SIPA1L3: variants seen among roughly 807,000 people sequenced by gnomAD.
The protein encoded by SIPA1L3 is signal-induced proliferation-associated 1-like protein 3.
A neutral mutation model predicts 150.1 loss-of-function variants in SIPA1L3; 59 were observed. The ratio of observed to expected loss-of-function variants is 0.39; its 90% CI spans 0.32 to 0.49. The LOEUF is 0.49. Among genes scored for constraint, SIPA1L3 ranks in the 20% least tolerant of loss-of-function variants. The pLI is 0.86. For missense variants in SIPA1L3, 2,211 were observed against 2,489.5 expected, an observed-to-expected ratio of 0.89 and a Z score of 2.38; for synonymous variants, 1,070 against 1,077.6, an observed-to-expected ratio of 0.99 and a Z score of 0.14.
At chr19:37,933,377 T>G (rs563940629) in intron 1 of SIPA1L3, among the ~76,000 whole-genome samples, 1 of 152,226 alleles carries the variant, frequency 6.6e-6, no homozygotes, top group South Asian at 2.1e-4. Flanking sequence ...CTTATTAAAT[T>G]GCACCTTCTC....
chr19:37,909,361 CCA>C (rs2046360287), intron 1 of SIPA1L3, among the ~76,000 whole-genome samples: 1 of 152,020 alleles, frequency 6.6e-6, no homozygotes, highest in Non-Finnish European at 1.5e-5. Flanking sequence ...GTGCCCGCCA[CCA>C]CACGTGGTTA....
At chr19:37,977,673 C>T (rs140958015) in intron 1 of SIPA1L3, among the ~76,000 whole-genome samples, 254 of 152,216 alleles carry the variant, frequency 1.7e-3, no homozygotes, top group African/African-American at 4.8e-3. Context: ...GGCAGAGACT[C>T]CAGGCTCCAG....
intron 16 of SIPA1L3, among the ~76,000 whole-genome samples, chr19:38,186,566 C>T (rs1029362981): frequency 5.3e-5 from 8 of 150,458 alleles, no homozygotes; most frequent in African/African-American, 1.9e-4. Context: ...GTTGGTCAGG[C>T]TGGTCTCGAA....
rs771161097 is a variant in SIPA1L3 at position 38,119,364 on chromosome 19, A to T, written c.2350A>T (p.Thr784Ser). 2.2e-5 allele frequency: 35 copies of T among 1,614,180 alleles called. No individual in the cohort carries two copies. The highest frequency in any genetic ancestry group is 2.8e-5 in the Non-Finnish European group (33 of 1,180,032). The change falls in exon 9 of 22, where the codon ACC becomes TCC. Residue 784 changes from threonine to serine, a missense_variant. Around this residue, in one of 5 missense-constraint regions of SIPA1L3, gnomAD observed 625 missense variants for 804.2 expected, o/e 0.78. Transcript: ENST00000222345. ...PPFGPPIPSGTTFRKSDVFRD... is the reference protein window; with the variant it reads ...PPFGPPIPSGSTFRKSDVFRD... ...TTTCGGCCCCCCCATCCCCAGTGGA[A>T]CCACATTCCGCAAATCCGACGTCTT... is the stretch of plus-strand genomic sequence containing the variant.
intron 9 of SIPA1L3, among the ~76,000 whole-genome samples, chr19:38,128,261 G>A (rs556167960): frequency 1.3e-5 from 2 of 152,032 alleles, no homozygotes; most frequent in Admixed American, 6.6e-5. Context: ...GGGTTCTGCC[G>A]TAGTAATAGG....
intron 1 of SIPA1L3, among the ~76,000 whole-genome samples, chr19:37,946,130 G>A (rs2046708901): frequency 6.6e-6 from 1 of 151,832 alleles, no homozygotes; most frequent in Non-Finnish European, 1.5e-5. Context: ...ACTCCAACCT[G>A]GGGGACAACA....
intron 9 of SIPA1L3, among the ~76,000 whole-genome samples, chr19:38,126,019 A>G (rs1971163344): frequency 6.6e-6 from 1 of 152,020 alleles, no homozygotes; most frequent in Non-Finnish European, 1.5e-5. Context: ...TAAACATACG[A>G]AAAAATTAGC....
At chr19:37,940,591 T>C (rs1038331180) in intron 1 of SIPA1L3, among the ~76,000 whole-genome samples, 2 of 152,180 alleles carry the variant, frequency 1.3e-5, no homozygotes, top group Non-Finnish European at 2.9e-5. Context: ...GGGCTCACCA[T>C]TGGAGTTGGT....
At chr19:38,075,151 A>G (rs1357067696) in intron 2 of SIPA1L3, among the ~76,000 whole-genome samples, 1 of 152,184 alleles carries the variant, frequency 6.6e-6, no homozygotes, top group East Asian at 1.9e-4. Context: ...ATATTGGAAA[A>G]TTTTTTAGAA....
At chr19:38,075,223 G>A (rs1352333655) in intron 2 of SIPA1L3, among the ~76,000 whole-genome samples, 9 of 152,140 alleles carry the variant, frequency 5.9e-5, no homozygotes, top group African/African-American at 2.2e-4. Flanking sequence ...TTGGGAGGCC[G>A]AGGTAGGCAG....
At chr19:38,121,163 G>C (rs540087206) in intron 9 of SIPA1L3, among the ~76,000 whole-genome samples, 1 of 152,002 alleles carries the variant, frequency 6.6e-6, no homozygotes, top group East Asian at 1.9e-4. Flanking sequence ...GCAATACAGT[G>C]AGATGCCGTT....
intron 15 of SIPA1L3, among the ~76,000 whole-genome samples, chr19:38,170,090 G>A (rs896011296): frequency 6.6e-6 from 1 of 152,056 alleles, no homozygotes; most frequent in South Asian, 2.1e-4. Context: ...CCCAAAGGGG[G>A]CCCCCCTAAC....
chr19:37,944,094 T>C (rs886510498), intron 1 of SIPA1L3, among the ~76,000 whole-genome samples: 7 of 151,954 alleles, frequency 4.6e-5, no homozygotes, highest in Middle Eastern at 3.4e-3. Flanking sequence ...CTGGCCAACA[T>C]GGCGAAACCG....
intron 1 of SIPA1L3, among the ~76,000 whole-genome samples, chr19:37,992,818 G>A (rs1433293967): frequency 1.3e-5 from 2 of 152,130 alleles, no homozygotes; most frequent in Non-Finnish European, 2.9e-5. Flanking sequence ...AAGAACATGA[G>A]CTAAATGGGG....
intron 2 of SIPA1L3, among the ~76,000 whole-genome samples, chr19:38,067,031 G>T (rs895773971): frequency 6.6e-6 from 1 of 151,280 alleles, no homozygotes; most frequent in African/African-American, 2.4e-5. Flanking sequence ...AAGCCCGGGA[G>T]TTCAAGACCA....
Position 37,967,532 on chromosome 19 carries a change from G to A in SIPA1L3, c.-379+60174G>A, listed in dbSNP as rs779966515. 4.5e-4 allele frequency among the ~76,000 whole-genome samples: 68 copies of A among 152,114 alleles called. No homozygotes were observed. In the Middle Eastern group the frequency reaches 0.024, roughly 53 times the overall value. On this transcript the variant is annotated intron_variant, in intron 1 of 21. Transcript: ENST00000222345. ...CTCCCAAAGTGCTGGGATTACAGGC[G>A]TGAGCCACCGCACCCGGCTGGAAAT... is the stretch of plus-strand genomic sequence containing the variant.
chr19:38,170,906 G>A (rs1161638843), intron 15 of SIPA1L3, among the ~76,000 whole-genome samples: 1 of 152,028 alleles, frequency 6.6e-6, no homozygotes, highest in Non-Finnish European at 1.5e-5. Context: ...ATTCATCTGG[G>A]ATGCAGTTAT....
chr19:38,194,778 C>T (rs1008590782), intron 18 of SIPA1L3, among the ~76,000 whole-genome samples: 3 of 152,176 alleles, frequency 2.0e-5, no homozygotes, highest in African/African-American at 7.2e-5. Context: ...AGGCCGGGCG[C>T]GGTGGCTCAC....
At chr19:37,961,886 C>G (rs914402408) in intron 1 of SIPA1L3, among the ~76,000 whole-genome samples, 19 of 152,068 alleles carry the variant, frequency 1.2e-4, no homozygotes, top group African/African-American at 4.3e-4. Context: ...TGGTTCTTTT[C>G]AAATCTGCCG....
Sources: gnomAD v4.1 joint callset for allele counts (sites outside exome capture counted in the v4.1 genomes callset) on GRCh38, gnomAD v4.1.1 for gene constraint, gnomAD v4.1.1 regional missense constraint, MANE v1.5 for transcripts, NCBI Gene and HGNC (gene_info 2026-07-23, HGNC 2026-07-21) for gene names.